Variants in CDH6 observed in about 807,000 individuals in gnomAD.
CDH6 encodes cadherin 6.
A neutral mutation model predicts 78.0 loss-of-function variants in CDH6; 31 were observed. The ratio of observed to expected loss-of-function variants is 0.40; its 90% CI spans 0.30 to 0.54. The LOEUF (loss-of-function observed/expected upper bound fraction) is 0.54. CDH6 is among the 20% of genes least tolerant of loss of function. The pLI, the probability that CDH6 is intolerant of heterozygous loss-of-function variation, is 0.56. For missense variants in CDH6, 724 were observed against 975.9 expected, an observed-to-expected ratio of 0.74 and a Z score of 3.44; for synonymous variants, 376 against 368.8, an observed-to-expected ratio of 1.02 and a Z score of -0.23.
chr5:31,241,805 C>A (rs1298468794), intron 1 of CDH6, among the ~76,000 whole-genome samples: 1 of 152,214 alleles, frequency 6.6e-6, no homozygotes, highest in East Asian at 1.9e-4. Context: ...AAACTAGCTG[C>A]AAAGCAGGTT....
At chr5:31,297,582 C>T (rs1003394849) in intron 4 of CDH6, among the ~76,000 whole-genome samples, 174 bp downstream of exon 4, 14 of 152,164 alleles carry the variant, frequency 9.2e-5, no homozygotes, top group African/African-American at 3.4e-4. Context: ...ATCAAAAAAT[C>T]TGGCAATGAA....
At chr5:31,303,886 C>G (rs1737900986) in intron 6 of CDH6, among the ~76,000 whole-genome samples, 1 of 152,050 alleles carries the variant, frequency 6.6e-6, no homozygotes, top group Non-Finnish European at 1.5e-5. Context: ...GTGCATTAAC[C>G]TTTTTAATTT....
chr5:31,297,212 T>A (rs897067724), intron 3 of CDH6, 77 bp from the exon 4 acceptor site: 2 of 1,240,598 alleles, frequency 1.6e-6, no homozygotes, highest in South Asian at 1.3e-5. Context: ...AAAATTAAGA[T>A]CGTGCTGGTT....
In CDH6 at chr5:31,328,523, G is replaced by A. The variant is rs1482529103; in HGVS notation, c.*5215G>A. 3.4e-5 allele frequency: 7 copies of A among 207,592 alleles called. No homozygotes were observed. The Admixed American group carries it at 4.2e-4, about 12-fold the overall frequency. The allele number at this position is 207,592 out of a possible 1,614,324, so 12.9% of individuals were successfully genotyped here. A position where few individuals can be genotyped will look rare whatever the true frequency, so the allele number is the denominator to read the frequency against. On this transcript the variant is annotated 3_prime_UTR_variant, in exon 12 of 12. Transcript: ENST00000265071. ...AAACCCACTGTAATGTTTGGTTTGA[G>A]ATTATTTTCATTGCTTTGAGAGTGA...
intron 1 of CDH6, among the ~76,000 whole-genome samples, chr5:31,213,328 G>C (rs766036640): frequency 2.0e-5 from 3 of 152,190 alleles, no homozygotes; most frequent in Non-Finnish European, 4.4e-5. Context: ...CTGCAAGGAT[G>C]AAATGCTTAA....
intron 5 of CDH6, among the ~76,000 whole-genome samples, chr5:31,301,329 C>T (rs1158126274): frequency 2.6e-5 from 4 of 152,048 alleles, no homozygotes; most frequent in African/African-American, 9.7e-5. Flanking sequence ...GTAGAATAAG[C>T]CTTGGTTTTA....
chr5:31,211,882 G>A (rs1740717933), intron 1 of CDH6, among the ~76,000 whole-genome samples: 1 of 152,162 alleles, frequency 6.6e-6, no homozygotes, highest in Non-Finnish European at 1.5e-5. Flanking sequence ...GGGTTTTGCT[G>A]TTGTTTGTTT....
intron 1 of CDH6, among the ~76,000 whole-genome samples, chr5:31,199,719 C>G (rs868796085): frequency 2.0e-5 from 1 of 49,966 alleles, no homozygotes; most frequent in African/African-American, 5.8e-5. Flanking sequence ...ATATATATCT[C>G]AAAGATAAAA....
chr5:31,228,516 C>T (rs192700307), intron 1 of CDH6, among the ~76,000 whole-genome samples: 16 of 152,270 alleles, frequency 1.1e-4, no homozygotes, highest in African/African-American at 3.8e-4. Flanking sequence ...TGCCAATAAC[C>T]CAGTTGTACA....
At chr5:31,228,781 A>T (rs974013569) in intron 1 of CDH6, among the ~76,000 whole-genome samples, 1 of 152,204 alleles carries the variant, frequency 6.6e-6, no homozygotes, top group Non-Finnish European at 1.5e-5. Flanking sequence ...TCAGGCTACA[A>T]TGCTGGTTCA....
At chr5:31,226,549 G>T (rs370578512) in intron 1 of CDH6, among the ~76,000 whole-genome samples, 32 of 152,094 alleles carry the variant, frequency 2.1e-4, no homozygotes, top group African/African-American at 7.5e-4. Context: ...CTTGGAAGAG[G>T]AACCCAGGGC....
At chr5:31,277,715 C>T (rs1742739485) in intron 2 of CDH6, among the ~76,000 whole-genome samples, 1 of 152,158 alleles carries the variant, frequency 6.6e-6, no homozygotes, top group Non-Finnish European at 1.5e-5. Flanking sequence ...AGACCCTAGC[C>T]TACATGTCTT....
chr5:31,237,467 G>A (rs1741483277), intron 1 of CDH6, among the ~76,000 whole-genome samples: 1 of 152,094 alleles, frequency 6.6e-6, no homozygotes, highest in Admixed American at 6.5e-5. Context: ...GTCAAGGGCA[G>A]GCTGAAGGCA....
intron 2 of CDH6, among the ~76,000 whole-genome samples, chr5:31,279,468 A>G (rs1387641343): frequency 6.6e-6 from 1 of 152,104 alleles, no homozygotes; most frequent in Non-Finnish European, 1.5e-5. Context: ...AGTCTCAGCT[A>G]CCTGAGGTCG....
intron 1 of CDH6, among the ~76,000 whole-genome samples, chr5:31,194,867 A>G (rs1197838432): frequency 6.6e-6 from 1 of 152,070 alleles, no homozygotes; most frequent in Non-Finnish European, 1.5e-5. Context: ...TTCTGTCATG[A>G]GTTACCGTAG....
At chr5:31,254,579 A>G (rs898033331) in intron 1 of CDH6, among the ~76,000 whole-genome samples, 1 of 152,190 alleles carries the variant, frequency 6.6e-6, no homozygotes, top group African/African-American at 2.4e-5. Context: ...ATTGGGTTCG[A>G]TACTATCCTT....
At chr5:31,317,994 A>C in intron 11 of CDH6, 70 bp downstream of exon 11, 1 of 1,558,470 alleles carries the variant, frequency 6.4e-7, no homozygotes, top group South Asian at 1.1e-5. Context: ...GACACTCTAG[A>C]TTTATCTGCC....
intron 1 of CDH6, among the ~76,000 whole-genome samples, chr5:31,211,015 T>C (rs1429217739): frequency 6.6e-6 from 1 of 152,198 alleles, no homozygotes; most frequent in South Asian, 2.1e-4. Context: ...AAAATGACAA[T>C]TTAGAGCAAT....
Position 31,294,142 on chromosome 5 carries a change from A to G in CDH6, c.409A>G (p.Arg137Gly). ...RAQAINRRTG[R>G]PVEPESEFII... ...TCAAGCTATAAACAGAAGGACAGGG[A>G]GACCCGTGGAGCCCGAGTCTGAATT... Residue 137 changes from arginine to glycine, a missense_variant, in exon 3 of 12, where the codon AGA (arginine) becomes GGA (glycine). By Grantham distance (125) the Arg-to-Gly change is moderately radical. Transcript: ENST00000265071. The surrounding 1 kb of genome is among the most constrained non-coding windows in gnomAD (Gnocchi z 4.1). The G allele has an allele frequency of 6.2e-7, 1 of 1,613,974 alleles. No individual in the cohort carries two copies. Among genetic ancestry groups the G allele is most frequent in the Non-Finnish European group, 8.5e-7 (1 of 1,179,938 alleles).
Sources: gnomAD v4.1 joint callset for allele counts (sites outside exome capture counted in the v4.1 genomes callset) on GRCh38, gnomAD v4.1.1 for gene constraint, Gnocchi (gnomAD v3.1) non-coding constraint, MANE v1.5 for transcripts, NCBI Gene and HGNC (gene_info 2026-07-23, HGNC 2026-07-21) for gene names.